The following DAB1 variants were observed in gnomAD, a reference collection of about 807,000 sequenced individuals.
The protein encoded by DAB1 is disabled homolog 1.
A neutral mutation model predicts 64.6 loss-of-function variants in DAB1; 15 were observed. The ratio of observed to expected loss-of-function variants is 0.23; its 90% CI spans 0.16 to 0.36. The LOEUF is 0.36. DAB1 is among the 10% of genes least tolerant of loss of function. The probability of loss-of-function intolerance (pLI) is 1.00; values close to 1 mark genes in which losing one functional copy is unlikely to be tolerated. For missense variants in DAB1, 596 were observed against 706.7 expected, an observed-to-expected ratio of 0.84 and a Z score of 1.78; for synonymous variants, 235 against 251.9, an observed-to-expected ratio of 0.93 and a Z score of 0.64.
chr1:58,127,689 T>C (rs1226245562), intron 5 of DAB1, among the ~76,000 whole-genome samples: 1 of 152,190 alleles, frequency 6.6e-6, no homozygotes, highest in African/African-American at 2.4e-5. Context: ...GCTAGCCAGT[T>C]TTCCCAGCAC....
intron 7 of DAB1, among the ~76,000 whole-genome samples, chr1:57,548,156 A>G (rs1644876240): frequency 6.6e-6 from 1 of 152,206 alleles, no homozygotes. Flanking sequence ...ATTTATTAAT[A>G]ATTGCCCAAC....
At chr1:57,945,353 G>A (rs1209038053) in intron 5 of DAB1, among the ~76,000 whole-genome samples, 4 of 151,976 alleles carry the variant, frequency 2.6e-5, no homozygotes, top group South Asian at 2.1e-4. Context: ...TCGAATTCCT[G>A]GGCTCAAGCC....
intron 1 of DAB1, among the ~76,000 whole-genome samples, chr1:57,381,894 TG>T (rs1479979821): frequency 6.6e-6 from 1 of 152,198 alleles, no homozygotes; most frequent in Non-Finnish European, 1.5e-5. Flanking sequence ...CCCCTGGTCC[TG>T]GGGTGACCTG....
chr1:57,609,453 C>G (rs1432675821), intron 7 of DAB1, among the ~76,000 whole-genome samples: 2 of 152,132 alleles, frequency 1.3e-5, no homozygotes, highest in Admixed American at 1.3e-4. Context: ...GGACTTTGAG[C>G]ATCAGTGGGT....
At chr1:57,586,150 C>A (rs1645377814) in intron 7 of DAB1, among the ~76,000 whole-genome samples, 1 of 152,122 alleles carries the variant, frequency 6.6e-6, no homozygotes, top group Non-Finnish European at 1.5e-5. Context: ...TGGAAAGCAT[C>A]ACAAAGCAAA....
At chr1:58,474,990 T>C (rs1645404852) in intron 3 of DAB1, among the ~76,000 whole-genome samples, 1 of 152,150 alleles carries the variant, frequency 6.6e-6, no homozygotes, top group South Asian at 2.1e-4. Context: ...GCTCAACAAA[T>C]ACTAATTCCC....
chr1:58,148,005 C>T (rs923123888), intron 5 of DAB1, among the ~76,000 whole-genome samples: 1 of 139,408 alleles, frequency 7.2e-6, no homozygotes, highest in African/African-American at 2.7e-5. Context: ...AAAAAGCAAT[C>T]TAAAGTGCCA....
chr1:57,406,610 A>G (rs1683659779), intron 1 of DAB1, among the ~76,000 whole-genome samples: 1 of 152,194 alleles, frequency 6.6e-6, no homozygotes, highest in Non-Finnish European at 1.5e-5. Context: ...CATCACCATC[A>G]TCTTCATCAT....
intron 1 of DAB1, among the ~76,000 whole-genome samples, chr1:57,826,863 G>A (rs1302784082): frequency 6.6e-6 from 1 of 152,206 alleles, no homozygotes; most frequent in Non-Finnish European, 1.5e-5. Context: ...TTCACATAGA[G>A]AGCAAGAGAC....
At chr1:57,810,220 T>C (rs1216415374) in intron 6 of DAB1, among the ~76,000 whole-genome samples, 1 of 152,156 alleles carries the variant, frequency 6.6e-6, no homozygotes, top group African/African-American at 2.4e-5. Context: ...ATCACTTCTA[T>C]GATTCAGAGC....
rs1190412763 is a variant in DAB1, at chr1:57,535,010, TC to T, written n.625+114581del. Among the ~76,000 whole-genome samples the T allele has an allele frequency of 6.6e-5, 10 of 152,160 alleles. No homozygotes were observed. The South Asian group carries it at 2.1e-3, about 31-fold the overall frequency. ...CTGTGTTCTCTGCCTGAAATGCTCA[TC>T]CCCAAGCCTCTTGCATAGCTAGCTC... On this transcript the variant is annotated intron_variant and non_coding_transcript_variant, in intron 7 of 20. Coordinates refer to the DAB1 transcript ENST00000485760.
chr1:57,847,722 A>C (rs1653351853), intron 1 of DAB1, among the ~76,000 whole-genome samples: 1 of 152,290 alleles, frequency 6.6e-6, no homozygotes, highest in South Asian at 2.1e-4. Context: ...AAAATATATA[A>C]AGAAAAACTC....
chr1:58,478,963 T>C (rs951499271), intron 3 of DAB1, among the ~76,000 whole-genome samples: 1 of 152,236 alleles, frequency 6.6e-6, no homozygotes, highest in Non-Finnish European at 1.5e-5. Flanking sequence ...TCAACTGCTA[T>C]TTAATTTCTT....
intron 2 of DAB1, among the ~76,000 whole-genome samples, chr1:57,160,436 G>T (rs900106439): frequency 4.6e-5 from 7 of 152,196 alleles, no homozygotes; most frequent in Non-Finnish European, 8.8e-5. Context: ...GTAAAGAAAA[G>T]AATGCTGAAA....
At chr1:57,042,363 A>G (rs141899461) in intron 9 of DAB1, among the ~76,000 whole-genome samples, 43 of 152,294 alleles carry the variant, frequency 2.8e-4, no homozygotes, top group African/African-American at 1.0e-3. Context: ...TTGGCATAAG[A>G]CCTTTCCTCT....
chr1:57,549,372 G>A (rs1359476957), intron 7 of DAB1, among the ~76,000 whole-genome samples: 1 of 152,098 alleles, frequency 6.6e-6, no homozygotes, highest in East Asian at 1.9e-4. Flanking sequence ...TAACTCATAG[G>A]GCTGAACAGC....
rs547638630 is a variant in DAB1, at chr1:58,333,590, C to T, written n.309+9762G>A. Among the ~76,000 whole-genome samples, 4 of 152,330 alleles carry T rather than the reference C, an allele frequency of 2.6e-5. No individual in the cohort carries two copies. In the South Asian group the frequency reaches 8.3e-4, roughly 32 times the overall value. The stretch of plus-strand genomic sequence containing the variant: ...TATTCTAATTTCTTGCTCACCAGGG[C>T]TAATTTGGCTTGGCAGGATTCAAGA... On this transcript the variant is annotated intron_variant and non_coding_transcript_variant, in intron 4 of 20. Coordinates refer to the DAB1 transcript ENST00000485760.
chr1:57,898,919 C>T (rs969076169), intron 5 of DAB1, among the ~76,000 whole-genome samples: 1 of 152,120 alleles, frequency 6.6e-6, no homozygotes, highest in African/African-American at 2.4e-5. Flanking sequence ...CAAATTCAAT[C>T]TTTTCCTCCA....
intron 7 of DAB1, among the ~76,000 whole-genome samples, chr1:57,608,186 T>C (rs538721832): frequency 1.6e-4 from 25 of 152,132 alleles, no homozygotes; most frequent in Non-Finnish European, 3.4e-4. Context: ...ACATGTAATA[T>C]AAAATATATA....
Sources: allele counts gnomAD v4.1 joint callset (sites outside exome capture counted in the v4.1 genomes callset), GRCh38; gene constraint gnomAD v4.1.1; transcripts MANE v1.5; gene names NCBI Gene and HGNC (gene_info 2026-07-23, HGNC 2026-07-21).